OSBPL1A: variants seen among roughly 807,000 people sequenced by gnomAD.
OSBPL1A encodes the protein oxysterol-binding protein-related protein 1.
Under a neutral mutation model 137.1 loss-of-function variants are expected in OSBPL1A, and 80 were observed. The observed-to-expected ratio is 0.58, with a 90% CI of 0.49 to 0.70. The LOEUF is 0.70. Ranked by LOEUF, OSBPL1A falls within the 30% of genes least tolerant of loss-of-function variation. OSBPL1A has a pLI of 0.00. For synonymous variants in OSBPL1A, 365 were observed against 389.7 expected, an observed-to-expected ratio of 0.94 and a Z score of 0.75; for missense variants, 970 against 1,129.4, an observed-to-expected ratio of 0.86 and a Z score of 2.02.
intron 7 of OSBPL1A, among the ~76,000 whole-genome samples, chr18:24,332,354 CCAGACTGGGCAA>C (rs1391577699): frequency 7.7e-6 from 1 of 130,240 alleles, no homozygotes; most frequent in East Asian, 2.2e-4. Flanking sequence ...CCACTGCACT[CCAGACTGGGCAA>C]CAGAGAGAGA....
At chr18:24,311,380 A>T in intron 13 of OSBPL1A, 2 of 713,736 alleles carry the variant, frequency 2.8e-6, no homozygotes, top group Non-Finnish European at 3.4e-6. Context: ...CCATTCTTTT[A>T]GACACAAGAT....
intron 14 of OSBPL1A, among the ~76,000 whole-genome samples, chr18:24,281,536 C>T (rs769857037): frequency 4.0e-5 from 6 of 151,762 alleles, no homozygotes; most frequent in Non-Finnish European, 5.9e-5. Context: ...TACAGGCACA[C>T]GCTATCATGC....
At chr18:24,331,759 T>C (rs2091083293) in intron 7 of OSBPL1A, among the ~76,000 whole-genome samples, 2 of 152,230 alleles carry the variant, frequency 1.3e-5, no homozygotes, top group African/African-American at 4.8e-5. Context: ...TCTGATTCTG[T>C]CTTTCAAATT....
intron 15 of OSBPL1A, among the ~76,000 whole-genome samples, chr18:24,250,302 G>A (rs1022027356): frequency 1.3e-5 from 2 of 151,970 alleles, no homozygotes; most frequent in African/African-American, 2.4e-5. Context: ...TTAGCCTCCC[G>A]AGTAGCTGGA....
chr18:24,176,486 T>TG (rs58160956), intron 21 of OSBPL1A, among the ~76,000 whole-genome samples: 5,909 of 151,076 alleles, frequency 0.039, 332 homozygotes, highest in African/African-American at 0.13. Context: ...TTTTTTTTTT[T>TG]GGCTAAAATG....
chr18:24,173,701 C>A (rs191888169), intron 21 of OSBPL1A, among the ~76,000 whole-genome samples: 2 of 152,254 alleles, frequency 1.3e-5, no homozygotes, highest in East Asian at 3.8e-4. Context: ...GCGTGAGCCA[C>A]CGCTGCACCT....
At chr18:24,386,353 T>G (rs1490710049) in intron 1 of OSBPL1A, among the ~76,000 whole-genome samples, 1 of 152,172 alleles carries the variant, frequency 6.6e-6, no homozygotes, top group Non-Finnish European at 1.5e-5. Flanking sequence ...TTAAAGCAAT[T>G]TGGACATTCT....
intron 4 of OSBPL1A, among the ~76,000 whole-genome samples, chr18:24,359,396 A>G (rs1193062764): frequency 1.3e-5 from 2 of 151,712 alleles, no homozygotes; most frequent in African/African-American, 4.8e-5. Context: ...CTCTGGAAGC[A>G]TGTGTTTTAC....
chr18:24,317,328 G>C lies in OSBPL1A; in HGVS notation c.805C>G (p.Gln269Glu). Residue 269 changes from glutamine (Q) to glutamate (E), a missense_variant and splice_region_variant, in exon 10 of 28, where the codon CAG (glutamine) becomes GAG (glutamate). This residue lies in a region of OSBPL1A where 647 missense variants were observed against 672.6 expected (regional missense o/e 0.96). Coordinates refer to ENST00000319481, the MANE Select transcript of OSBPL1A (RefSeq NM_080597.4). ...EHGVLSWYRKQPDAVHNIYRQ... is the reference protein window; with the variant it reads ...EHGVLSWYRKEPDAVHNIYRQ... ...AAGTGTAAAGATCATAATACTTACT[G>C]TTTCCTATACCATGAAAGGACTCCA... is the stretch of plus-strand genomic sequence containing the variant. 1 of 1,612,856 alleles carries C rather than the reference G, an allele frequency of 6.2e-7. No individual in the cohort carries two copies. Among genetic ancestry groups the C allele is most frequent in the Non-Finnish European group, 8.5e-7 (1 of 1,179,030 alleles).
intron 4 of OSBPL1A, among the ~76,000 whole-genome samples, chr18:24,342,632 C>CA (rs1182514924): frequency 3.3e-5 from 5 of 152,038 alleles, no homozygotes; most frequent in Admixed American, 2.0e-4. Flanking sequence ...GTTTTCATAG[C>CA]AAAAAATGCT....
intron 4 of OSBPL1A, among the ~76,000 whole-genome samples, chr18:24,354,792 A>G (rs2091504332): frequency 6.8e-6 from 1 of 146,944 alleles, no homozygotes; most frequent in South Asian, 2.3e-4. Flanking sequence ...GAAAAAGATG[A>G]TGAAAGTAGT....
At chr18:24,329,454 G>A (rs1287713785) in intron 7 of OSBPL1A, among the ~76,000 whole-genome samples, 2 of 151,544 alleles carry the variant, frequency 1.3e-5, no homozygotes, top group Admixed American at 6.6e-5. Flanking sequence ...GGAGGCTGAG[G>A]CAGGAGAATC....
chr18:24,293,168 T>C (rs914462584), intron 14 of OSBPL1A, among the ~76,000 whole-genome samples: 2 of 128,832 alleles, frequency 1.6e-5, no homozygotes, highest in East Asian at 2.5e-4. Context: ...CTGAGAAGAA[T>C]TTGAAAAAGA....
At chr18:24,167,574 G>T in intron 24 of OSBPL1A, 129 bp from the exon 25 acceptor site, 1 of 749,860 alleles carries the variant, frequency 1.3e-6, no homozygotes, top group Non-Finnish European at 2.3e-6. Context: ...TTATAGCGGA[G>T]CATGTATAGA....
rs368275672 is a variant in OSBPL1A, at chr18:24,282,781, G to T, written c.1175-1833C>A. On this transcript the variant is annotated intron_variant, in intron 14 of 27. Transcript: ENST00000319481. ...CTTTTCATCAAAAAATAACTAAAAGGTCGGGACAGAACAAGATTTGTTAAA... is the reference window on the plus strand; with the variant it reads ...CTTTTCATCAAAAAATAACTAAAAGTTCGGGACAGAACAAGATTTGTTAAA... Among the ~76,000 whole-genome samples, 18 of 151,978 alleles carry T rather than the reference G, an allele frequency of 1.2e-4. No homozygotes were observed. In the East Asian group the frequency reaches 1.9e-3, roughly 16 times the overall value.
chr18:24,346,348 G>A (rs974448256), intron 4 of OSBPL1A, among the ~76,000 whole-genome samples: 1 of 152,130 alleles, frequency 6.6e-6, no homozygotes, highest in Non-Finnish European at 1.5e-5. Flanking sequence ...ACTTCACCCT[G>A]CTAAAAGTGC....
At chr18:24,289,418 GT>G (rs536281272) in intron 14 of OSBPL1A, among the ~76,000 whole-genome samples, 8,411 of 93,850 alleles carry the variant, frequency 0.09, 235 homozygotes, top group African/African-American at 0.16. Context: ...GTTTTTTCCT[GT>G]TTTTTTTTTT....
At chr18:24,392,068 C>T (rs1476939519) in intron 1 of OSBPL1A, among the ~76,000 whole-genome samples, 2 of 152,170 alleles carry the variant, frequency 1.3e-5, no homozygotes, top group Non-Finnish European at 2.9e-5. Context: ...GTTGCCCAGG[C>T]TGGTCTCAAA....
chr18:24,381,833 C>T (rs1017171117), intron 1 of OSBPL1A, among the ~76,000 whole-genome samples: 3 of 151,386 alleles, frequency 2.0e-5, no homozygotes, highest in Non-Finnish European at 2.9e-5. Flanking sequence ...TGGTGGTGGG[C>T]GCCTGTAAAA....
Sources: allele counts gnomAD v4.1 joint callset (sites outside exome capture counted in the v4.1 genomes callset), GRCh38; gene constraint gnomAD v4.1.1; regional missense constraint gnomAD v4.1.1; transcripts MANE v1.5; gene names NCBI Gene and HGNC (gene_info 2026-07-23, HGNC 2026-07-21).